Variants in BAZ1A observed in about 807,000 individuals in gnomAD.
BAZ1A encodes the protein bromodomain adjacent to zinc finger domain 1A, also known as bromodomain adjacent to zinc finger domain protein 1A.
Under a neutral mutation model 185.2 loss-of-function variants are expected in BAZ1A, and 50 were observed. That is an observed-to-expected ratio of 0.27 (90% confidence interval 0.22 to 0.34). The LOEUF (loss-of-function observed/expected upper bound fraction) is 0.34, where lower values mean the gene tolerates loss of function less well. Among genes scored for constraint, BAZ1A ranks in the 10% least tolerant of loss-of-function variants. The pLI is 1.00. For synonymous variants in BAZ1A, 571 were observed against 615.6 expected (o/e 0.93, Z 1.07); for missense variants, 1,356 against 1,839.9 (o/e 0.74, Z 4.81).
chr14:34,868,568 C>T (rs2042898315), intron 2 of BAZ1A, among the ~76,000 whole-genome samples: 1 of 152,106 alleles, frequency 6.6e-6, no homozygotes, highest in Non-Finnish European at 1.5e-5. Context: ...CTTTGGGAGG[C>T]CGAGGCGGGT....
intron 21 of BAZ1A, among the ~76,000 whole-genome samples, chr14:34,766,610 C>T (rs914139735): frequency 3.3e-5 from 5 of 152,072 alleles, no homozygotes; most frequent in African/African-American, 1.2e-4. Flanking sequence ...ACCTAGACTT[C>T]GGCGTTGGTT....
intron 12 of BAZ1A, among the ~76,000 whole-genome samples, chr14:34,788,298 A>G (rs1311524229): frequency 6.6e-6 from 1 of 151,416 alleles, no homozygotes; most frequent in Non-Finnish European, 1.5e-5. Context: ...CACCATGCTC[A>G]GCCTCATTTT....
At position 34,780,176 on chromosome 14, in the gene BAZ1A, T is replaced by C; in HGVS notation, c.2236+10A>G. On this transcript the variant is annotated intron_variant, in intron 17 of 26. Coordinates refer to ENST00000360310, the MANE Select transcript of BAZ1A (RefSeq NM_013448.3). Reference sequence around the variant, plus strand: ...TACACAAGAATGCCCTAAAGAAATTTCAGTATTACCCCTTCTGCCTCTTTT... The same window carrying C: ...TACACAAGAATGCCCTAAAGAAATTCCAGTATTACCCCTTCTGCCTCTTTT... The C allele has an allele frequency of 6.2e-7, 1 of 1,611,748 alleles. No homozygotes were observed. Among genetic ancestry groups the C allele is most frequent in the Non-Finnish European group, 8.5e-7 (1 of 1,179,248 alleles).
intron 3 of BAZ1A, among the ~76,000 whole-genome samples, chr14:34,838,527 C>CT (rs35699929): frequency 0.33 from 47,591 of 145,876 alleles, 9,135 homozygotes; most frequent in Non-Finnish European, 0.44. Flanking sequence ...CTATTTTTTT[C>CT]TTTTTTTTTT....
At chr14:34,778,278 A>C (rs1296449964) in intron 17 of BAZ1A, among the ~76,000 whole-genome samples, 2 of 152,206 alleles carry the variant, frequency 1.3e-5, no homozygotes, top group Admixed American at 1.3e-4. Context: ...TTGGAACATG[A>C]GAATGGCAGC....
At position 34,758,852 on chromosome 14, in the gene BAZ1A, T is replaced by A; in HGVS notation, c.4244-6A>T. On this transcript the variant is annotated splice_polypyrimidine_tract_variant and splice_region_variant and intron_variant, in intron 24 of 26. Coordinates refer to ENST00000360310, the MANE Select transcript of BAZ1A (RefSeq NM_013448.3). ...CAGTGTCACAGGCGATGGCTCTGAG[T>A]AAATAATTACAACATTTTAGGTGAT... The A allele has an allele frequency of 3.1e-6, 5 of 1,612,486 alleles. No homozygotes were observed. The highest frequency in any genetic ancestry group is 4.2e-6 in the Non-Finnish European group (5 of 1,179,672).
intron 5 of BAZ1A, among the ~76,000 whole-genome samples, chr14:34,807,997 C>T (rs1224328857): frequency 2.0e-5 from 3 of 151,430 alleles, no homozygotes; most frequent in Non-Finnish European, 4.4e-5. Context: ...CCCAGCTACT[C>T]GGGAGGCTGA....
intron 12 of BAZ1A, among the ~76,000 whole-genome samples, chr14:34,787,685 A>C (rs1480939655): frequency 1.3e-5 from 2 of 152,220 alleles, no homozygotes; most frequent in Non-Finnish European, 2.9e-5. Flanking sequence ...TCCGTCTCAA[A>C]AAAACAAAAC....
At chr14:34,801,322 C>T (rs1376673492) in intron 7 of BAZ1A, 129 bp from the exon 8 acceptor site, 9 of 666,264 alleles carry the variant, frequency 1.4e-5, no homozygotes, top group African/African-American at 3.8e-5. Context: ...GACAAAGTCT[C>T]GCTCTATCCC....
In BAZ1A at chr14:34,862,248, G is replaced by A; in HGVS notation, c.188C>T (p.Thr63Met). The change falls in exon 3 of 27, where the codon ACG (threonine) becomes ATG (methionine). Residue 63 changes from threonine (T) to methionine (M), a missense_variant. Transcript: ENST00000360310. ...SCAVTGRPGL[T>M]YQEALESEKK... Reference sequence around the variant, plus strand: ...TTCTGACTCAAGTGCTTCCTGATACGTCAGTCCAGGTCTACCCGTCACAGC... The same window carrying A: ...TTCTGACTCAAGTGCTTCCTGATACATCAGTCCAGGTCTACCCGTCACAGC... 3.1e-6 allele frequency: 5 copies of A among 1,613,906 alleles called. No individual in the cohort carries two copies. Among genetic ancestry groups the A allele is most frequent in the South Asian group, 1.1e-5 (1 of 91,066 alleles).
At chr14:34,759,311 G>A (rs967995491) in intron 24 of BAZ1A, among the ~76,000 whole-genome samples, 3 of 151,028 alleles carry the variant, frequency 2.0e-5, no homozygotes, top group Non-Finnish European at 2.9e-5. Context: ...CTCCTGAGTA[G>A]CTGGAACTAT....
At chr14:34,812,737 A>G (rs1283996818) in intron 4 of BAZ1A, among the ~76,000 whole-genome samples, 1 of 152,244 alleles carries the variant, frequency 6.6e-6, no homozygotes, top group Non-Finnish European at 1.5e-5. Flanking sequence ...AGCATTGGCA[A>G]TGAGAATAAG....
intron 6 of BAZ1A, among the ~76,000 whole-genome samples, chr14:34,805,606 C>T (rs1881811915): frequency 6.6e-6 from 1 of 151,680 alleles, no homozygotes; most frequent in Non-Finnish European, 1.5e-5. Flanking sequence ...TTGTAAGCAT[C>T]ATTTAATATG....
intron 3 of BAZ1A, among the ~76,000 whole-genome samples, chr14:34,844,790 C>A (rs772893090): frequency 0.063 from 9,290 of 147,958 alleles, 375 homozygotes; most frequent in Non-Finnish European, 0.097. Context: ...CACACACACA[C>A]ACACACACAC....
chr14:34,859,063 G>T (rs2042727915), intron 3 of BAZ1A, among the ~76,000 whole-genome samples: 1 of 152,134 alleles, frequency 6.6e-6, no homozygotes, highest in Non-Finnish European at 1.5e-5. Flanking sequence ...CTGTATAGCA[G>T]CAAGACTGGT....
intron 3 of BAZ1A, among the ~76,000 whole-genome samples, chr14:34,833,384 C>T (rs1249538637): frequency 3.3e-5 from 5 of 151,998 alleles, no homozygotes; most frequent in East Asian, 1.9e-4. Flanking sequence ...AAAAATTAGC[C>T]GGGCGTGGTG....
chr14:34,757,502 TA>T (rs1169874819), intron 25 of BAZ1A, among the ~76,000 whole-genome samples: 1 of 150,224 alleles, frequency 6.7e-6, no homozygotes, highest in Non-Finnish European at 1.5e-5. Context: ...CTGTCGCTAA[TA>T]AAAATACAAA....
At chr14:34,781,451 C>T (rs1880033282) in intron 16 of BAZ1A, among the ~76,000 whole-genome samples, 1 of 152,126 alleles carries the variant, frequency 6.6e-6, no homozygotes, top group Non-Finnish European at 1.5e-5. Flanking sequence ...CCAACATCTA[C>T]TCTCTACTGA....
chr14:34,794,239 A>C (rs1466607126), intron 11 of BAZ1A, among the ~76,000 whole-genome samples: 1 of 152,258 alleles, frequency 6.6e-6, no homozygotes, highest in Non-Finnish European at 1.5e-5. Context: ...ATTTGATCCA[A>C]ATCTTTCCTT....
Sources: gnomAD v4.1 joint callset for allele counts (sites outside exome capture counted in the v4.1 genomes callset) on GRCh38, gnomAD v4.1.1 for gene constraint, MANE v1.5 for transcripts, NCBI Gene and HGNC (gene_info 2026-07-23, HGNC 2026-07-21) for gene names.